HIF1AN: variants seen among roughly 807,000 people sequenced by gnomAD.
HIF1AN encodes the protein hypoxia-inducible factor 1-alpha inhibitor.
HIF1AN carries 21 observed loss-of-function variants against 47.7 expected under a neutral mutation model. The observed-to-expected ratio is 0.44, with a 90% CI of 0.31 to 0.63. The LOEUF (loss-of-function observed/expected upper bound fraction) is 0.63. HIF1AN is among the 30% of genes least tolerant of loss of function. HIF1AN has a pLI of 0.07. For synonymous variants in HIF1AN, 152 were observed against 155.9 expected, an observed-to-expected ratio of 0.98 and a Z score of 0.18; for missense variants, 320 against 432.7, an observed-to-expected ratio of 0.74 and a Z score of 2.31.
In HIF1AN at chr10:100,549,506, G is replaced by T. The variant is rs1446942523; in HGVS notation, c.*1369G>T. The T allele has an allele frequency of 1.3e-5, 2 of 152,276 alleles. No homozygotes were observed. The highest frequency in any genetic ancestry group is 6.5e-5 in the Admixed American group (1 of 15,286). The allele number at this position is 152,276 out of a possible 1,614,324, so 9.4% of individuals were successfully genotyped here. ...ACCCTCAATAGTCAGGGCAACTGGT[G>T]GAGCATGGAAGTCGAATTTCCTTTT... On this transcript the variant is annotated 3_prime_UTR_variant, in exon 8 of 8. Transcript: ENST00000299163.
At chr10:100,543,887 T>A (rs551097594) in intron 3 of HIF1AN, among the ~76,000 whole-genome samples, 1 of 152,208 alleles carries the variant, frequency 6.6e-6, no homozygotes, top group African/African-American at 2.4e-5. Context: ...TTGACTCTTA[T>A]GTCTTTCTGT....
Position 100,548,076 on chromosome 10 carries a change from C to G in HIF1AN, c.1006-17C>G. On this transcript the variant is annotated splice_polypyrimidine_tract_variant and intron_variant, in intron 7 of 7. Coordinates refer to ENST00000299163, the MANE Select transcript of HIF1AN (RefSeq NM_017902.3). ...GGGAACAGCCAGTTCTGATTGGCTC[C>G]TCATGTTTCTTTACAGGTGGGGCCC... The G allele has an allele frequency of 6.2e-7, 1 of 1,613,800 alleles. No individual in the cohort carries two copies. The highest frequency in any genetic ancestry group is 2.2e-5 in the East Asian group (1 of 44,852).
rs1420229478 is a variant in HIF1AN at position 100,545,953 on chromosome 10, A to T, written c.734A>T (p.Asp245Val). ...PCDRQSQVDF[D>V]NPDYERFPNF... ...TCTTGAACCTCTTAGGTGGACTTTG[A>T]CAATCCCGACTACGAGAGGTTCCCT... Residue 245 changes from aspartate (D) to valine (V), a missense_variant, in exon 5 of 8, where the codon GAC (aspartate) becomes GTC (valine). Transcript: ENST00000299163. 6.2e-7 allele frequency: 1 copy of T among 1,612,650 alleles called. No homozygotes were observed. Among genetic ancestry groups the T allele is most frequent in the East Asian group, 2.2e-5 (1 of 44,866 alleles).
chr10:100,546,344 C>T (rs993444230), intron 5 of HIF1AN, among the ~76,000 whole-genome samples, 174 bp from the exon 6 acceptor site: 2 of 152,148 alleles, frequency 1.3e-5, no homozygotes, highest in Non-Finnish European at 2.9e-5. Flanking sequence ...GTACCTCTAA[C>T]CCCCAAGTGT....
At chr10:100,543,978 A>G (rs567038075) in intron 3 of HIF1AN, among the ~76,000 whole-genome samples, 1 of 152,308 alleles carries the variant, frequency 6.6e-6, no homozygotes, top group Admixed American at 6.5e-5. Context: ...TTGAGGATGC[A>G]TGTGGACTCT....
intron 2 of HIF1AN, among the ~76,000 whole-genome samples, chr10:100,539,796 G>A (rs1429031674): frequency 6.6e-6 from 1 of 152,152 alleles, no homozygotes. Flanking sequence ...GCACACTGAG[G>A]GAACCAGCTC....
Position 100,535,970 on chromosome 10 carries a change from A to T in HIF1AN, c.12A>T (p.Thr4=), listed in dbSNP as rs1282933713. MAA[T]AAEAVASGSG... ...CCCTGGCGGCGGAGATGGCGGCGAC[A>T]GCGGCGGAGGCTGTGGCCTCTGGCT... is the stretch of plus-strand genomic sequence containing the variant. Residue 4 remains threonine (T), a synonymous_variant, in exon 1 of 8, where the codon ACA becomes ACT. Coordinates refer to ENST00000299163, the MANE Select transcript of HIF1AN (RefSeq NM_017902.3). 1 of 1,550,332 alleles carries T rather than the reference A, an allele frequency of 6.5e-7. No individual in the cohort carries two copies. The highest frequency in any genetic ancestry group is 1.7e-4 in the Middle Eastern group (1 of 5,948).
intron 2 of HIF1AN, 22 bp from the exon 3 acceptor site, chr10:100,540,612 A>T: frequency 6.2e-7 from 1 of 1,612,868 alleles, no homozygotes. Flanking sequence ...CACTAATAGG[A>T]TTTTCTTCTT....
At position 100,555,470 on chromosome 10, in the gene HIF1AN, C is replaced by T. The variant is rs1479426999; in HGVS notation, c.*7333C>T. On this transcript the variant is annotated 3_prime_UTR_variant, in exon 8 of 8. Transcript: ENST00000299163. ...CTGGAATTCTCAGCCCTTTCCACATCATGATCCCATTAATCTCTTGGGTCT... is the reference window on the plus strand; with the variant it reads ...CTGGAATTCTCAGCCCTTTCCACATTATGATCCCATTAATCTCTTGGGTCT... The T allele has an allele frequency of 1.3e-5, 2 of 152,254 alleles. No homozygotes were observed. The highest frequency in any genetic ancestry group is 2.4e-5 in the African/African-American group (1 of 41,456). 9.4% of individuals were successfully genotyped at this position (152,254 alleles called of 1,614,324 possible).
At chr10:100,547,319 C>A (rs957291006) in intron 7 of HIF1AN, 69 bp downstream of exon 7, 4 of 887,128 alleles carry the variant, frequency 4.5e-6, no homozygotes, top group African/African-American at 1.7e-5. Context: ...GAGCGACATT[C>A]TTTACAGCTT....
chr10:100,546,157 T>C (rs1843091853), intron 5 of HIF1AN, 108 bp downstream of exon 5: 2 of 807,168 alleles, frequency 2.5e-6, no homozygotes, highest in Non-Finnish European at 4.2e-6. Context: ...TTTTATGTGG[T>C]CTATAGGAAG....
rs553195593 is a variant in HIF1AN at position 100,545,599 on chromosome 10, G to A, written c.724-344G>A. 290 of 234,886 alleles carry A rather than the reference G, an allele frequency of 1.2e-3. 1 individual carries two copies. The highest frequency in any genetic ancestry group is 3.7e-3 in the South Asian group (33 of 8,838). The allele number at this position is 234,886 out of a possible 1,614,324, so 14.6% of individuals were successfully genotyped here. On this transcript the variant is annotated intron_variant, in intron 4 of 7. Transcript: ENST00000299163. Reference sequence around the variant, plus strand: ...CTAGCTACTTCATGTGGGAGTCTTTGCTGGTTAGAATATGTTTTTGGGAAA... The same window carrying A: ...CTAGCTACTTCATGTGGGAGTCTTTACTGGTTAGAATATGTTTTTGGGAAA...
rs762302836 is a variant in HIF1AN at position 100,536,009 on chromosome 10, G to A, written c.51G>A (p.Arg17=). 3 of 1,578,562 alleles carry A rather than the reference G, an allele frequency of 1.9e-6. No homozygotes were observed. Among genetic ancestry groups the A allele is most frequent in the Non-Finnish European group, 2.6e-6 (3 of 1,163,666 alleles). ...EAVASGSGEP[R]EEAGALGPAW... ...TGGCCTCTGGCTCTGGAGAGCCCCG[G>A]GAGGAGGCTGGAGCCCTCGGCCCCG... Residue 17 remains arginine (R), a synonymous_variant, in exon 1 of 8, where the codon CGG becomes CGA. Transcript: ENST00000299163.
intron 3 of HIF1AN, 123 bp downstream of exon 3, chr10:100,540,905 T>A: frequency 1.1e-6 from 1 of 891,380 alleles, no homozygotes; most frequent in Non-Finnish European, 1.6e-6. Flanking sequence ...AGCCTCAGCC[T>A]ACTCAGCTCT....
chr10:100,549,278 GCTAGAGC>G lies in HIF1AN; in HGVS notation c.*1144_*1150del, dbSNP rs1283688222. 1.3e-5 allele frequency: 2 copies of G among 152,218 alleles called. No individual in the cohort carries two copies. Among genetic ancestry groups the G allele is most frequent in the Non-Finnish European group, 2.9e-5 (2 of 68,090 alleles). The allele number at this position is 152,218 out of a possible 1,614,324, so 9.4% of individuals were successfully genotyped here. On this transcript the variant is annotated 3_prime_UTR_variant, in exon 8 of 8. Coordinates refer to ENST00000299163, the MANE Select transcript of HIF1AN (RefSeq NM_017902.3). ...ACTGCAGCCTGCCCGAGGCTAACTG[GCTAGAGC>G]CTCCAGGCCCTATGATGCTCCCTGC...
chr10:100,546,118 G>A (rs1843091503), intron 5 of HIF1AN, 69 bp downstream of exon 5: 3 of 1,091,484 alleles, frequency 2.7e-6, no homozygotes, highest in South Asian at 1.3e-5. Context: ...AGCCTTGTCT[G>A]TGTCGCTTCT....
chr10:100,539,966 A>G (rs997836113), intron 2 of HIF1AN, among the ~76,000 whole-genome samples: 39 of 152,194 alleles, frequency 2.6e-4, no homozygotes, highest in Admixed American at 2.0e-3. Context: ...GTGTATGTGC[A>G]TTTTTATGGG....
chr10:100,556,303 C>T lies in HIF1AN; in HGVS notation c.*8166C>T, dbSNP rs1209931532. On this transcript the variant is annotated 3_prime_UTR_variant, in exon 8 of 8. Transcript: ENST00000299163. ...AATATTTTTAACAATACTAAAAATA[C>T]CTGAAACATACTGGGTGAAAATAAG... 3 of 152,154 alleles carry T rather than the reference C, an allele frequency of 2.0e-5. No individual in the cohort carries two copies. The highest frequency in any genetic ancestry group is 2.4e-5 in the African/African-American group (1 of 41,416). 9.4% of individuals were successfully genotyped at this position (152,154 alleles called of 1,614,324 possible).
At chr10:100,542,852 T>TTG (rs200015078) in intron 3 of HIF1AN, among the ~76,000 whole-genome samples, 1,377 of 91,240 alleles carry the variant, frequency 0.015, 32 homozygotes, top group African/African-American at 0.053. Flanking sequence ...ATGTGTTTTT[T>TTG]TTTTTTTTTT....
Sources: allele counts gnomAD v4.1 joint callset (sites outside exome capture counted in the v4.1 genomes callset), GRCh38; gene constraint gnomAD v4.1.1; transcripts MANE v1.5; gene names NCBI Gene and HGNC (gene_info 2026-07-23, HGNC 2026-07-21).